The following SPEF2 variants were observed in gnomAD, a reference collection of about 807,000 sequenced individuals.
SPEF2 encodes sperm flagella and cilia-associated protein 2.
Under a neutral mutation model 224.6 loss-of-function variants are expected in SPEF2, and 187 were observed. The observed-to-expected ratio is 0.83, with a 90% confidence interval of 0.74 to 0.94. The LOEUF (loss-of-function observed/expected upper bound fraction) is 0.94. SPEF2 is among the 40% of genes least tolerant of loss of function. The probability of loss-of-function intolerance (pLI) is 0.00; values close to 1 mark genes in which losing one functional copy is unlikely to be tolerated. For missense variants in SPEF2, 2,170 were observed against 2,135.6 expected (o/e 1.02, Z -0.32); for synonymous variants, 715 against 707.3 (o/e 1.01, Z -0.17).
chr5:35,734,709 C>CTTTTTTTTTTTTTTT (rs869188623), intron 21 of SPEF2, among the ~76,000 whole-genome samples: 1 of 31,198 alleles, frequency 3.2e-5, no homozygotes, highest in African/African-American at 1.1e-4. Context: ...TCTTTTTTTT[C>CTTTTTTTTTTTTTTT]TTTTTTTTTT....
At chr5:35,649,081 T>C (rs776329999) in intron 5 of SPEF2, among the ~76,000 whole-genome samples, 8 of 152,064 alleles carry the variant, frequency 5.3e-5, no homozygotes, top group Non-Finnish European at 1.0e-4. Flanking sequence ...TCCTGACTCT[T>C]TGATAATCTT....
intron 1 of SPEF2, among the ~76,000 whole-genome samples, chr5:35,626,887 A>G (rs576384447): frequency 1.6e-4 from 25 of 152,236 alleles, no homozygotes; most frequent in Admixed American, 1.4e-3. Context: ...TTATGGAGCA[A>G]CTTAGCTCAA....
At chr5:35,655,768 C>G (rs1156372051) in intron 7 of SPEF2, among the ~76,000 whole-genome samples, 1 of 152,072 alleles carries the variant, frequency 6.6e-6, no homozygotes. Context: ...CACCAGAGGC[C>G]AAATTATGAT....
intron 5 of SPEF2, among the ~76,000 whole-genome samples, chr5:35,649,070 G>A (rs2149422811): frequency 6.6e-6 from 1 of 151,816 alleles, no homozygotes; most frequent in Admixed American, 6.6e-5. Flanking sequence ...AAAAATGTAT[G>A]TCCTGACTCT....
Position 35,639,711 on chromosome 5 carries a change from G to T in SPEF2, c.162-1720G>T, listed in dbSNP as rs369509570. Reference sequence around the variant, plus strand: ...AGTCAAGACAATTTCTCGGAGGGCAGCTACTACTTACCTGTAAGAAGAGGT... The same window carrying T: ...AGTCAAGACAATTTCTCGGAGGGCATCTACTACTTACCTGTAAGAAGAGGT... On this transcript the variant is annotated intron_variant, in intron 2 of 36. Transcript: ENST00000356031. 1.9e-3 allele frequency among the ~76,000 whole-genome samples: 289 copies of T among 151,576 alleles called. 10 individuals carry two copies. In the South Asian group the frequency reaches 0.059, roughly 31 times the overall value.
At chr5:35,772,848 G>A (rs576050244) in intron 27 of SPEF2, among the ~76,000 whole-genome samples, 2 of 152,150 alleles carry the variant, frequency 1.3e-5, no homozygotes, top group South Asian at 4.2e-4. Context: ...ATCTATTATT[G>A]CAACATATTA....
chr5:35,732,790 A>C (rs915622340), intron 21 of SPEF2, among the ~76,000 whole-genome samples: 4 of 152,218 alleles, frequency 2.6e-5, no homozygotes, highest in African/African-American at 9.6e-5. Context: ...CCTTATTTGC[A>C]GTTTCACTTT....
chr5:35,774,712 G>T (rs551926101), intron 28 of SPEF2, among the ~76,000 whole-genome samples: 3 of 152,134 alleles, frequency 2.0e-5, no homozygotes, highest in Non-Finnish European at 4.4e-5. Flanking sequence ...CAAAAATGTG[G>T]CATGGGGTAT....
At chr5:35,798,219 C>T (rs993436786) in intron 33 of SPEF2, among the ~76,000 whole-genome samples, 3 of 152,144 alleles carry the variant, frequency 2.0e-5, no homozygotes, top group South Asian at 4.1e-4. Flanking sequence ...TCAAAACTTC[C>T]GTGGCTCTGT....
At chr5:35,663,831 G>C (rs1383360797) in intron 8 of SPEF2, among the ~76,000 whole-genome samples, 1 of 152,156 alleles carries the variant, frequency 6.6e-6, no homozygotes. Flanking sequence ...AAACACTACA[G>C]TCATCAGGTG....
At chr5:35,658,033 CTA>C (rs1266451917) in intron 7 of SPEF2, among the ~76,000 whole-genome samples, 2 of 152,176 alleles carry the variant, frequency 1.3e-5, no homozygotes, top group Non-Finnish European at 1.5e-5. Flanking sequence ...AGATATTTTT[CTA>C]TGTCTTCCCC....
chr5:35,671,427 T>C (rs1751204774), intron 10 of SPEF2: 1 of 974,088 alleles, frequency 1.0e-6, no homozygotes. Flanking sequence ...AAGATATATG[T>C]GGATGTTTGT....
In SPEF2 at chr5:35,700,077, G is replaced by A. The variant is rs541936744; in HGVS notation, c.2142-419G>A. On this transcript the variant is annotated intron_variant, in intron 15 of 36. Transcript: ENST00000356031. ...CGGGAGTTTCTCTGCACAAGCTCTC[G>A]ATTTGCCTGCTGCCATCCATGTGAC... 2.7e-4 allele frequency: 46 copies of A among 171,304 alleles called. 1 individual carries two copies. The highest frequency in any genetic ancestry group is 2.2e-3 in the Admixed American group (40 of 17,882). 10.6% of individuals were successfully genotyped at this position (171,304 alleles called of 1,614,324 possible).
chr5:35,671,079 CT>C, intron 10 of SPEF2: 3 of 985,238 alleles, frequency 3.0e-6, no homozygotes, highest in Non-Finnish European at 3.6e-6. Flanking sequence ...AGGAGTGAGG[CT>C]TTTTATTAGA....
chr5:35,656,401 T>G (rs1048803786), intron 7 of SPEF2, among the ~76,000 whole-genome samples: 3 of 152,234 alleles, frequency 2.0e-5, no homozygotes, highest in Non-Finnish European at 4.4e-5. Context: ...AGAAAGTTAT[T>G]TCTTCATATT....
chr5:35,627,516 G>A (rs956061748), intron 1 of SPEF2, among the ~76,000 whole-genome samples: 3 of 151,952 alleles, frequency 2.0e-5, no homozygotes, highest in South Asian at 2.1e-4. Flanking sequence ...CAGGAGAATC[G>A]CTTGAACCCA....
intron 21 of SPEF2, among the ~76,000 whole-genome samples, chr5:35,737,663 G>C (rs192209365): frequency 6.6e-6 from 1 of 151,978 alleles, no homozygotes; most frequent in Non-Finnish European, 1.5e-5. Context: ...GAATAGTGCC[G>C]CAATAAACAT....
chr5:35,683,091 C>G (rs1013077509), intron 10 of SPEF2, among the ~76,000 whole-genome samples: 4 of 151,978 alleles, frequency 2.6e-5, no homozygotes, highest in African/African-American at 9.7e-5. Flanking sequence ...ACACATTAGG[C>G]CACAAAAAAC....
At position 35,646,671 on chromosome 5, in the gene SPEF2, A is replaced by G. The variant is rs1445314702; in HGVS notation, c.590A>G (p.Tyr197Cys). ...EQRCFDIEKQYLNRRRQNEIM... is the reference protein window; with the variant it reads ...EQRCFDIEKQCLNRRRQNEIM... ...TAATGTATATGGGATATTCAGCAAT[A>G]CTTAAACAGAAGACGACAAAATGAA... is the stretch of plus-strand genomic sequence containing the variant. Residue 197 changes from tyrosine (Y) to cysteine (C), a missense_variant, in exon 5 of 37, where the codon TAC (tyrosine) becomes TGC (cysteine). Physicochemically the swap from Tyr to Cys is radical, Grantham distance 194. Coordinates refer to ENST00000356031, the MANE Select transcript of SPEF2 (RefSeq NM_024867.4). 6.2e-7 allele frequency: 1 copy of G among 1,613,500 alleles called. No homozygotes were observed.
Sources: allele counts gnomAD v4.1 joint callset (sites outside exome capture counted in the v4.1 genomes callset), GRCh38; gene constraint gnomAD v4.1.1; transcripts MANE v1.5; gene names NCBI Gene and HGNC (gene_info 2026-07-23, HGNC 2026-07-21).